EXOC2: variants seen among roughly 807,000 people sequenced by gnomAD.
EXOC2 encodes the protein SEC5-like 1.
EXOC2 carries 70 observed loss-of-function variants against 131.8 expected under a neutral mutation model. The ratio of observed to expected loss-of-function variants is 0.53; its 90% CI spans 0.44 to 0.65. The LOEUF (loss-of-function observed/expected upper bound fraction) is 0.65, where lower values mean the gene tolerates loss of function less well. Among genes scored for constraint, EXOC2 ranks in the 30% least tolerant of loss-of-function variants. The pLI, the probability that EXOC2 is intolerant of heterozygous loss-of-function variation, is 0.00. For synonymous variants in EXOC2, 411 were observed against 398.4 expected (o/e 1.03, Z -0.38); for missense variants, 923 against 1,108.6 (o/e 0.83, Z 2.38).
At chr6:682,496 G>A (rs1024833710) in intron 1 of EXOC2, among the ~76,000 whole-genome samples, 71 of 152,084 alleles carry the variant, frequency 4.7e-4, no homozygotes, top group African/African-American at 1.6e-3. Flanking sequence ...CACCGCGCCC[G>A]GCCCCGAGTT....
At chr6:649,416 T>C (rs767080232) in intron 1 of EXOC2, among the ~76,000 whole-genome samples, 10 of 152,194 alleles carry the variant, frequency 6.6e-5, no homozygotes, top group Non-Finnish European at 1.5e-4. Context: ...TACACAGGTA[T>C]ATAAGATGGG....
At chr6:685,552 G>A (rs1207864952) in intron 1 of EXOC2, among the ~76,000 whole-genome samples, 1 of 152,166 alleles carries the variant, frequency 6.6e-6, no homozygotes, top group African/African-American at 2.4e-5. Context: ...CTTCCTGAGT[G>A]AGATCAAGTG....
At chr6:589,975 C>T (rs1455158448) in intron 11 of EXOC2, among the ~76,000 whole-genome samples, 2 of 152,148 alleles carry the variant, frequency 1.3e-5, no homozygotes, top group Admixed American at 6.5e-5. Flanking sequence ...ATTAGCTAGG[C>T]GTGGTAGCGG....
At chr6:537,288 G>A (rs1766510135) in intron 22 of EXOC2, among the ~76,000 whole-genome samples, 1 of 150,932 alleles carries the variant, frequency 6.6e-6, no homozygotes. Context: ...GTACACTCGA[G>A]TTGACAGCCG....
At chr6:494,182 CAGA>C (rs1211230477) in intron 25 of EXOC2, among the ~76,000 whole-genome samples, 4 of 152,216 alleles carry the variant, frequency 2.6e-5, no homozygotes, top group African/African-American at 7.2e-5. Flanking sequence ...GGAAACACAG[CAGA>C]AGCTTTTGCA....
chr6:546,831 C>A (rs1360038750), intron 22 of EXOC2, among the ~76,000 whole-genome samples: 1 of 152,180 alleles, frequency 6.6e-6, no homozygotes, highest in Non-Finnish European at 1.5e-5. Context: ...CAGGAGGCTA[C>A]TAGTAGTTAG....
At chr6:643,662 G>A (rs1762457176) in intron 1 of EXOC2, among the ~76,000 whole-genome samples, 1 of 151,672 alleles carries the variant, frequency 6.6e-6, no homozygotes, top group Non-Finnish European at 1.5e-5. Context: ...AAAGGGGAAG[G>A]AGGGCAGGAA....
chr6:584,971 G>T (rs1267067687), intron 11 of EXOC2, among the ~76,000 whole-genome samples: 1 of 152,200 alleles, frequency 6.6e-6, no homozygotes, highest in Non-Finnish European at 1.5e-5. Flanking sequence ...TCAGTAGGGG[G>T]TTAACCAAAG....
At chr6:661,474 G>T (rs1344371693) in intron 1 of EXOC2, among the ~76,000 whole-genome samples, 1 of 152,104 alleles carries the variant, frequency 6.6e-6, no homozygotes, top group African/African-American at 2.4e-5. Flanking sequence ...AGCTAGAAGG[G>T]GTTGAGGCCC....
At position 495,281 on chromosome 6, in the gene EXOC2, G is replaced by A. The variant is rs576250427; in HGVS notation, c.2559+2086C>T. The stretch of plus-strand genomic sequence containing the variant: ...GCTGGGACTACAGGCGCCCGCCACC[G>A]CGCCCGGCTAATTTTTTGTATTTTT... On this transcript the variant is annotated intron_variant, in intron 25 of 27. Coordinates refer to ENST00000230449, the MANE Select transcript of EXOC2 (RefSeq NM_018303.6). Among the ~76,000 whole-genome samples the A allele has an allele frequency of 4.2e-3, 637 of 151,612 alleles. 7 individuals are homozygous for A. The highest frequency in any genetic ancestry group is 0.024 in the Middle Eastern group (7 of 294).
At chr6:573,070 C>T (rs574843650) in intron 12 of EXOC2, among the ~76,000 whole-genome samples, 31 of 152,292 alleles carry the variant, frequency 2.0e-4, no homozygotes, top group Admixed American at 1.3e-3. Flanking sequence ...GCTGATCAGC[C>T]TGTGAGAAAT....
Position 553,905 on chromosome 6 carries a change from A to G in EXOC2, c.2070T>C (p.Val690=). 1 of 1,614,072 alleles carries G rather than the reference A, an allele frequency of 6.2e-7. No homozygotes were observed. Among genetic ancestry groups the G allele is most frequent in the South Asian group, 1.1e-5 (1 of 91,074 alleles). ...DIDTTHLSVD[V]SSPDLFGSIH... is the part of the protein sequence containing the mutation. ...TACTTCCAAACAAGTCAGGGGAAGAAACATCAACAGAGAGACTGAACATAG... is the reference window on the plus strand; with the variant it reads ...TACTTCCAAACAAGTCAGGGGAAGAGACATCAACAGAGAGACTGAACATAG... Residue 690 remains valine, a synonymous_variant, in exon 21 of 28, where the codon GTT becomes GTC. Coordinates refer to ENST00000230449, the MANE Select transcript of EXOC2 (RefSeq NM_018303.6).
At chr6:682,344 C>A (rs1421744321) in intron 1 of EXOC2, among the ~76,000 whole-genome samples, 1 of 151,946 alleles carries the variant, frequency 6.6e-6, no homozygotes, top group Non-Finnish European at 1.5e-5. Context: ...GGACTACAGG[C>A]AACCACTACC....
Position 564,547 on chromosome 6 carries a change from T to TA in EXOC2, c.1664dup (p.Arg556LysfsTer5). The stretch of plus-strand genomic sequence containing the variant: ...TCTGAGAATGTGTCCATACTCACCT[T>TA]ACAGTCTGGATGGCGTGAGCGAGCC... On this transcript the variant is annotated frameshift_variant, in exon 15 of 28. Transcript: ENST00000230449. LOFTEE classifies it high-confidence loss of function. The TA allele has an allele frequency of 6.2e-7, 1 of 1,614,206 alleles. No homozygotes were observed. The highest frequency in any genetic ancestry group is 8.5e-7 in the Non-Finnish European group (1 of 1,180,038).
intron 23 of EXOC2, among the ~76,000 whole-genome samples, chr6:527,282 T>G (rs1286922507): frequency 6.6e-6 from 1 of 152,252 alleles, no homozygotes; most frequent in South Asian, 2.1e-4. Flanking sequence ...AATTCTACGC[T>G]GGACCTGAGC....
At chr6:606,431 T>A (rs1447353127) in intron 7 of EXOC2, among the ~76,000 whole-genome samples, 1 of 150,726 alleles carries the variant, frequency 6.6e-6, no homozygotes, top group Non-Finnish European at 1.5e-5. Context: ...AAAAAAAGAA[T>A]CTCCACATCA....
At chr6:553,132 G>C (rs1327131546) in intron 21 of EXOC2, among the ~76,000 whole-genome samples, 1 of 152,118 alleles carries the variant, frequency 6.6e-6, no homozygotes, top group Non-Finnish European at 1.5e-5. Flanking sequence ...TGGCCAGGCT[G>C]GTCTGGAATT....
intron 11 of EXOC2, among the ~76,000 whole-genome samples, chr6:590,807 T>A (rs558606277): frequency 6.6e-6 from 1 of 152,292 alleles, no homozygotes; most frequent in South Asian, 2.1e-4. Context: ...TGCTTCTTTT[T>A]TCGTCTTCTT....
intron 23 of EXOC2, among the ~76,000 whole-genome samples, chr6:518,724 C>G (rs796353393): frequency 1.7e-4 from 26 of 152,136 alleles, no homozygotes; most frequent in African/African-American, 5.8e-4. Context: ...TATCTGAAAA[C>G]AAGCAAGATT....
Sources: allele counts gnomAD v4.1 joint callset (sites outside exome capture counted in the v4.1 genomes callset), GRCh38; gene constraint gnomAD v4.1.1; transcripts MANE v1.5; gene names NCBI Gene and HGNC (gene_info 2026-07-23, HGNC 2026-07-21).